Variants in TLN2 observed in about 807,000 individuals in gnomAD.
TLN2 encodes the protein talin 2, also known as talin-2.
Under a neutral mutation model 294.7 loss-of-function variants are expected in TLN2, and 118 were observed. The ratio of observed to expected loss-of-function variants is 0.40; its 90% CI spans 0.34 to 0.47. The LOEUF is 0.47. Among genes scored for constraint, TLN2 ranks in the 20% least tolerant of loss-of-function variants. The probability of loss-of-function intolerance (pLI) is 0.84; values close to 1 mark genes in which losing one functional copy is unlikely to be tolerated. For missense variants in TLN2, 3,083 were observed against 3,282.2 expected (o/e 0.94, Z 1.48); for synonymous variants, 1,431 against 1,304.5 (o/e 1.10, Z -2.09).
At chr15:62,736,857 C>A (rs758222867) in intron 28 of TLN2, 21 bp from the exon 29 acceptor site, 2 of 1,610,486 alleles carry the variant, frequency 1.2e-6, no homozygotes, top group Non-Finnish European at 8.5e-7. Context: ...AATTGGAAAT[C>A]TGATGGACTT....
At chr15:62,774,730 C>G (rs1043890531) in intron 42 of TLN2, among the ~76,000 whole-genome samples, 1 of 152,112 alleles carries the variant, frequency 6.6e-6, no homozygotes, top group African/African-American at 2.4e-5. Context: ...CTGGGATAGC[C>G]AAGAGCAAGG....
chr15:62,696,734 A>AT (rs575216417), intron 14 of TLN2, among the ~76,000 whole-genome samples: 55 of 152,188 alleles, frequency 3.6e-4, no homozygotes, highest in African/African-American at 1.3e-3. Flanking sequence ...AAAAAATGCA[A>AT]TTTTTTCCAT....
At chr15:62,649,556 G>A (rs1023490809) in intron 4 of TLN2, among the ~76,000 whole-genome samples, 1 of 152,074 alleles carries the variant, frequency 6.6e-6, no homozygotes, top group South Asian at 2.1e-4. Context: ...ATGATTTGTT[G>A]GTGGTCGGGG....
intron 51 of TLN2, among the ~76,000 whole-genome samples, chr15:62,806,283 G>C (rs2066277555): frequency 6.6e-6 from 1 of 152,224 alleles, no homozygotes; most frequent in Non-Finnish European, 1.5e-5. Flanking sequence ...AGAGGGGATG[G>C]AGTCAGCCTT....
chr15:62,505,111 T>C (rs2039538424), intron 1 of TLN2, among the ~76,000 whole-genome samples: 2 of 151,002 alleles, frequency 1.3e-5, no homozygotes, highest in African/African-American at 2.5e-5. Context: ...CGCCTGCCAC[T>C]ATGCCCAGCT....
chr15:62,692,871 C>A lies in TLN2; in HGVS notation c.1145C>A (p.Ser382Ter). Reference protein sequence around the residue: ...DFGEYQESYYSVQTTEGEQIS... With the variant: ...DFGEYQESYY ...GGGGAGTATCAGGAAAGCTACTATT[C>A]AGTACAAACCACCGAGGGAGAGCAG... Residue 382 changes from serine (S) to a stop codon, truncating the protein, a stop_gained, in exon 13 of 59, where the codon TCA (serine) becomes TAA (stop). Transcript: ENST00000636159. LOFTEE classifies it high-confidence loss of function. The A allele has an allele frequency of 6.2e-7, 1 of 1,613,680 alleles. No individual in the cohort carries two copies. Among genetic ancestry groups the A allele is most frequent in the South Asian group, 1.1e-5 (1 of 90,976 alleles).
intron 57 of TLN2, chr15:62,838,035 GA>G (rs2069982971): frequency 6.6e-6 from 1 of 152,190 alleles, no homozygotes; most frequent in Admixed American, 6.5e-5. Context: ...CATGTTTCAT[GA>G]GCATTAAAAA....
intron 54 of TLN2, chr15:62,828,005 C>G (rs988329015): frequency 6.6e-6 from 1 of 152,270 alleles, no homozygotes; most frequent in Non-Finnish European, 1.5e-5. Context: ...CACCACTTCC[C>G]CTACCACCAC....
At chr15:62,518,235 C>T (rs2040280670) in intron 1 of TLN2, among the ~76,000 whole-genome samples, 1 of 152,146 alleles carries the variant, frequency 6.6e-6, no homozygotes, top group South Asian at 2.1e-4. Context: ...GTCGGGGTTT[C>T]ACCATGTTGG....
intron 44 of TLN2, among the ~76,000 whole-genome samples, chr15:62,781,830 G>T (rs897975725): frequency 6.6e-6 from 1 of 151,940 alleles, no homozygotes; most frequent in Non-Finnish European, 1.5e-5. Flanking sequence ...TTGTTGTTTT[G>T]TTTGTTTGTT....
At chr15:62,636,479 C>T (rs1440515822) in intron 3 of TLN2, among the ~76,000 whole-genome samples, 1 of 152,108 alleles carries the variant, frequency 6.6e-6, no homozygotes, top group Non-Finnish European at 1.5e-5. Context: ...TTCAGTTCTC[C>T]AAATATATGC....
chr15:62,611,760 T>C (rs545941500), intron 2 of TLN2, among the ~76,000 whole-genome samples: 15 of 152,320 alleles, frequency 9.8e-5, no homozygotes, highest in South Asian at 6.2e-4. Context: ...CAGAGCCACA[T>C]TGGGTTCCCA....
At chr15:62,518,895 G>A (rs539915156) in intron 1 of TLN2, among the ~76,000 whole-genome samples, 2 of 152,276 alleles carry the variant, frequency 1.3e-5, no homozygotes, top group Admixed American at 1.3e-4. Context: ...ATGGCGTCCG[G>A]CTTGCAATGT....
At chr15:62,717,762 G>A (rs2059876997) in intron 24 of TLN2, 73 bp downstream of exon 24, 2 of 1,101,590 alleles carry the variant, frequency 1.8e-6, no homozygotes, top group Non-Finnish European at 2.5e-6. Flanking sequence ...CAAGTCCCCT[G>A]GTAGTTCAGT....
rs181024645 is a variant in TLN2, at chr15:62,472,246, T to C, written c.-238+81561T>C. On this transcript the variant is annotated intron_variant, in intron 1 of 58. Coordinates refer to ENST00000636159, the MANE Select transcript of TLN2 (RefSeq NM_015059.3). ...ACCCCTCCCCACACCACCTATCTGA[T>C]AGATCTCTTTCTTCCCCCAAACCCA... Among the ~76,000 whole-genome samples the C allele has an allele frequency of 2.0e-5, 3 of 152,088 alleles. No homozygotes were observed. The South Asian group carries it at 6.2e-4, about 32-fold the overall frequency.
At chr15:62,487,426 C>G (rs1475098927) in intron 1 of TLN2, among the ~76,000 whole-genome samples, 1 of 152,196 alleles carries the variant, frequency 6.6e-6, no homozygotes, top group Non-Finnish European at 1.5e-5. Flanking sequence ...CAGTGCTTCT[C>G]AAACTAATTC....
At chr15:62,606,010 T>A (rs539517030) in intron 2 of TLN2, among the ~76,000 whole-genome samples, 1 of 152,324 alleles carries the variant, frequency 6.6e-6, no homozygotes, top group South Asian at 2.1e-4. Context: ...ACTAGTTAAG[T>A]AGTGTTAGTC....
Position 62,752,369 on chromosome 15 carries a change from G to C in TLN2, c.4274G>C (p.Gly1425Ala), listed in dbSNP as rs369101652. 1.9e-6 allele frequency: 3 copies of C among 1,614,026 alleles called. No individual in the cohort carries two copies. The highest frequency in any genetic ancestry group is 2.2e-5 in the East Asian group (1 of 44,884). ...AAGACCGGAGACCTCCCTGCCTTTG[G>C]GGAATGTGTGGGGATTGCATCCAAG... ...NAKTGDLPAF[G>A]ECVGIASKAL... is the part of the protein sequence containing the mutation. Residue 1425 changes from glycine to alanine, a missense_variant, in exon 35 of 59, where the codon GGG (glycine) becomes GCG (alanine). Physicochemically the swap from Gly to Ala is moderately conservative, Grantham distance 60. Transcript: ENST00000636159.
At chr15:62,746,221 T>C (rs2061600256) in intron 32 of TLN2, among the ~76,000 whole-genome samples, 1 of 152,208 alleles carries the variant, frequency 6.6e-6, no homozygotes, top group South Asian at 2.1e-4. Context: ...GTTTCTGTGA[T>C]ATGTGGAAAT....
Sources: gnomAD v4.1 joint callset for allele counts (sites outside exome capture counted in the v4.1 genomes callset) on GRCh38, gnomAD v4.1.1 for gene constraint, MANE v1.5 for transcripts, NCBI Gene and HGNC (gene_info 2026-07-23, HGNC 2026-07-21) for gene names.